USP32: variants seen among roughly 807,000 people sequenced by gnomAD.
The protein encoded by USP32 is ubiquitin specific peptidase 32, also known as ubiquitin carboxyl-terminal hydrolase 32.
Under a neutral mutation model 204.8 loss-of-function variants are expected in USP32, and 59 were observed. The ratio of observed to expected loss-of-function variants is 0.29; its 90% CI spans 0.23 to 0.36. The LOEUF (loss-of-function observed/expected upper bound fraction) is 0.36. Among genes scored for constraint, USP32 ranks in the 10% least tolerant of loss-of-function variants. The pLI, the probability that USP32 is intolerant of heterozygous loss-of-function variation, is 1.00. For synonymous variants in USP32, 517 were observed against 678.4 expected (o/e 0.76, Z 3.70); for missense variants, 1,160 against 1,946.4 (o/e 0.60, Z 7.60).
At position 60,185,504 on chromosome 17, in the gene USP32, A is replaced by G; in HGVS notation, c.3790T>C (p.Leu1264=). 1 of 1,611,562 alleles carries G rather than the reference A, an allele frequency of 6.2e-7. No individual in the cohort carries two copies. ...YYCSKCKTHC[L]ATKKLDLWRL... ...CAGAGATCCAGCTTCTTTGTTGCTA[A>G]GCAGTGGGTCTTACACTTGGAACAG... The change falls in exon 30 of 34, where the codon TTA becomes CTA. Residue 1264 remains leucine, a synonymous_variant. Transcript: ENST00000300896.
chr17:60,266,738 C>A (rs2086602365), intron 7 of USP32, among the ~76,000 whole-genome samples: 1 of 151,852 alleles, frequency 6.6e-6, no homozygotes, highest in Admixed American at 6.6e-5. Context: ...TCACTGCAAC[C>A]TCTGCCTCCC....
intron 27 of USP32, 111 bp from the exon 28 acceptor site, chr17:60,193,041 A>G (rs776129139): frequency 2.7e-6 from 3 of 1,125,880 alleles, no homozygotes; most frequent in South Asian, 1.4e-5. Context: ...CCATAGCAGT[A>G]CGCTCATGTT....
chr17:60,360,678 AAAAC>A (rs1305150753), intron 1 of USP32, among the ~76,000 whole-genome samples: 2 of 152,082 alleles, frequency 1.3e-5, no homozygotes, highest in African/African-American at 4.8e-5. Flanking sequence ...CCATCGCAAA[AAAAC>A]AAACAAACAA....
At chr17:60,293,660 G>A (rs2087344247) in intron 4 of USP32, among the ~76,000 whole-genome samples, 1 of 152,192 alleles carries the variant, frequency 6.6e-6, no homozygotes, top group Admixed American at 6.5e-5. Context: ...TTCAAAACCA[G>A]AGTGGTAAGA....
rs1187959247 is a variant in USP32 at position 60,207,030 on chromosome 17, T to C, written c.3028A>G (p.Thr1010Ala). 2 of 1,612,628 alleles carry C rather than the reference T, an allele frequency of 1.2e-6. No homozygotes were observed. Among genetic ancestry groups the C allele is most frequent in the Non-Finnish European group, 1.7e-6 (2 of 1,179,114 alleles). The change falls in exon 25 of 34, where the codon ACA becomes GCA. Residue 1010 changes from threonine (T) to alanine (A), a missense_variant. Physicochemically the swap from Thr to Ala is moderately conservative, Grantham distance 58 (BLOSUM62 0). Coordinates refer to ENST00000300896, the MANE Select transcript of USP32 (RefSeq NM_032582.4). ...PVSPISASSP[T>A]QTDFSSSPST... is the part of the protein sequence containing the mutation. ...TCTAGTTCTATCTTACCTGTCTGTG[T>C]TGGACTAGAAGCTGAAATTGGAGAC... is the stretch of plus-strand genomic sequence containing the variant.
chr17:60,217,625 GT>G (rs1283900888), intron 16 of USP32, among the ~76,000 whole-genome samples: 2 of 151,686 alleles, frequency 1.3e-5, no homozygotes, highest in Non-Finnish European at 2.9e-5. Flanking sequence ...AATTGAAAAA[GT>G]TGTAATGGGT....
chr17:60,251,096 C>T (rs1451462045), intron 11 of USP32, among the ~76,000 whole-genome samples: 1 of 151,826 alleles, frequency 6.6e-6, no homozygotes, highest in African/African-American at 2.4e-5. Flanking sequence ...GCGTGTACCA[C>T]CAAGCCTTGA....
chr17:60,284,245 G>A (rs1005802289), intron 5 of USP32, among the ~76,000 whole-genome samples: 2 of 139,988 alleles, frequency 1.4e-5, no homozygotes, highest in Admixed American at 7.5e-5. Context: ...ACCAAGTCTC[G>A]CCCTGTCGCC....
At chr17:60,236,874 G>A (rs2085740853) in intron 11 of USP32, among the ~76,000 whole-genome samples, 1 of 152,022 alleles carries the variant, frequency 6.6e-6, no homozygotes, top group Non-Finnish European at 1.5e-5. Context: ...TGGCCTCTTT[G>A]ACTTTGCGTG....
intron 11 of USP32, among the ~76,000 whole-genome samples, chr17:60,238,483 C>A (rs898743370): frequency 2.6e-5 from 4 of 151,902 alleles, no homozygotes; most frequent in Non-Finnish European, 5.9e-5. Flanking sequence ...GCCTGGGCAA[C>A]ATGGCAAACC....
chr17:60,243,028 G>T (rs979287537), intron 11 of USP32, among the ~76,000 whole-genome samples: 6 of 152,192 alleles, frequency 3.9e-5, no homozygotes, highest in African/African-American at 1.4e-4. Flanking sequence ...TTAAATTTCT[G>T]TCAGCAATGC....
At chr17:60,193,718 G>T (rs1214340292) in intron 27 of USP32, among the ~76,000 whole-genome samples, 1 of 152,174 alleles carries the variant, frequency 6.6e-6, no homozygotes, top group Non-Finnish European at 1.5e-5. Context: ...ACTGACAGTG[G>T]TTATTACATG....
chr17:60,267,781 AG>A, intron 7 of USP32, among the ~76,000 whole-genome samples: 1 of 151,640 alleles, frequency 6.6e-6, no homozygotes, highest in African/African-American at 2.4e-5. Flanking sequence ...GGCCTCCCAA[AG>A]TGCTGGGATT....
At chr17:60,367,875 C>T (rs74812563) in intron 1 of USP32, among the ~76,000 whole-genome samples, 9,135 of 149,320 alleles carry the variant, frequency 0.061, 354 homozygotes, top group East Asian at 0.11. Context: ...CACGTACAGG[C>T]TTTTTTTTTT....
intron 1 of USP32, among the ~76,000 whole-genome samples, chr17:60,353,045 T>C (rs1015779904): frequency 1.3e-5 from 2 of 152,248 alleles, no homozygotes; most frequent in African/African-American, 4.8e-5. Context: ...ATGAAATGAA[T>C]GTATGTGTCC....
intron 27 of USP32, among the ~76,000 whole-genome samples, chr17:60,197,121 A>G (rs530437936): frequency 7.2e-5 from 11 of 151,936 alleles, no homozygotes; most frequent in African/African-American, 2.7e-4. Context: ...TGGAGTTTGC[A>G]GTGAACAAAA....
chr17:60,365,083 G>T (rs963712014), intron 1 of USP32, among the ~76,000 whole-genome samples: 1 of 151,994 alleles, frequency 6.6e-6, no homozygotes, highest in Non-Finnish European at 1.5e-5. Context: ...AAAAGGGAAA[G>T]TTTTTTTTAA....
chr17:60,336,429 G>T (rs1309917360), intron 2 of USP32, among the ~76,000 whole-genome samples: 2 of 143,198 alleles, frequency 1.4e-5, no homozygotes, highest in East Asian at 1.9e-4. Flanking sequence ...AAAAAGAAAT[G>T]AATTGGCCGG....
intron 1 of USP32, among the ~76,000 whole-genome samples, chr17:60,370,930 T>TA (rs2089428054): frequency 6.6e-6 from 1 of 151,696 alleles, no homozygotes; most frequent in South Asian, 2.1e-4. Context: ...ATCCCATCTC[T>TA]AAAAAAATTA....
Sources: allele counts gnomAD v4.1 joint callset (sites outside exome capture counted in the v4.1 genomes callset), GRCh38; gene constraint gnomAD v4.1.1; transcripts MANE v1.5; gene names NCBI Gene and HGNC (gene_info 2026-07-23, HGNC 2026-07-21).